The following FKBP9 variants were observed in gnomAD, a reference collection of about 807,000 sequenced individuals.
FKBP9 encodes the protein peptidyl-prolyl cis-trans isomerase FKBP9.
A neutral mutation model predicts 55.6 loss-of-function variants in FKBP9; 27 were observed. The observed-to-expected ratio is 0.49, with a 90% CI of 0.36 to 0.67. The LOEUF (loss-of-function observed/expected upper bound fraction) is 0.67. Among genes scored for constraint, FKBP9 ranks in the 30% least tolerant of loss-of-function variants. The probability of loss-of-function intolerance (pLI) is 0.00; values close to 1 mark genes in which losing one functional copy is unlikely to be tolerated. For missense variants in FKBP9, 539 were observed against 742.8 expected (o/e 0.73, Z 3.19); for synonymous variants, 267 against 296.5 (o/e 0.90, Z 1.02).
At chr7:32,957,847 C>T in intron 1 of FKBP9, 53 bp downstream of exon 1, 5 of 1,311,150 alleles carry the variant, frequency 3.8e-6, no homozygotes, top group Non-Finnish European at 5.0e-6. Context: ...GTCCCTCTCT[C>T]CGGACAGGCC....
At chr7:32,965,792 C>A (rs1784119906) in intron 1 of FKBP9, among the ~76,000 whole-genome samples, 1 of 33,550 alleles carries the variant, frequency 3.0e-5, no homozygotes. Context: ...AGCGAGACTC[C>A]ATGTCAAAAA....
At chr7:32,958,164 T>C (rs1045302841) in intron 1 of FKBP9, among the ~76,000 whole-genome samples, 3 of 152,186 alleles carry the variant, frequency 2.0e-5, no homozygotes, top group Non-Finnish European at 4.4e-5. Flanking sequence ...TGCCTGCCTC[T>C]CTTCGCCCTT....
chr7:32,994,356 T>G (rs1410357468), intron 6 of FKBP9, among the ~76,000 whole-genome samples: 1 of 152,228 alleles, frequency 6.6e-6, no homozygotes, highest in Non-Finnish European at 1.5e-5. Context: ...ATGTGGCCTT[T>G]TGTGTCTGGC....
chr7:33,005,313 A>T lies in FKBP9; in HGVS notation c.1675A>T (p.Lys559Ter). 3.1e-6 allele frequency: 5 copies of T among 1,614,254 alleles called. No homozygotes were observed. Among genetic ancestry groups the T allele is most frequent in the Non-Finnish European group, 4.2e-6 (5 of 1,180,042 alleles). Reference protein sequence around the residue: ...GDGKVTAEEFKLKDQEAKHDE... With the variant: ...GDGKVTAEEF ...TGGGAAGGTCACAGCCGAGGAATTT[A>T]AACTCAAAGACCAGGAAGCCAAACA... The change falls in exon 10 of 10, where the codon AAA becomes TAA. Residue 559 changes from lysine (K) to a stop codon, truncating the protein, a stop_gained. Coordinates refer to ENST00000242209, the MANE Select transcript of FKBP9 (RefSeq NM_007270.5). LOFTEE classifies it high-confidence loss of function.
chr7:32,991,840 A>T (rs563683197), intron 6 of FKBP9, among the ~76,000 whole-genome samples: 1 of 152,166 alleles, frequency 6.6e-6, no homozygotes, highest in East Asian at 1.9e-4. Flanking sequence ...CAACTTCCAG[A>T]TTACCTTTTG....
chr7:32,989,672 G>A (rs189391320), intron 6 of FKBP9, among the ~76,000 whole-genome samples: 93 of 152,198 alleles, frequency 6.1e-4, no homozygotes, highest in African/African-American at 2.2e-3. Flanking sequence ...TGCCCACCTT[G>A]GCTTCCCAAA....
At chr7:32,971,979 G>A (rs1452766676) in intron 1 of FKBP9, among the ~76,000 whole-genome samples, 1 of 150,532 alleles carries the variant, frequency 6.6e-6, no homozygotes, top group Non-Finnish European at 1.5e-5. Context: ...GTTAAATTTA[G>A]GAAGTATATT....
chr7:32,987,123 T>C (rs2127985341), intron 5 of FKBP9, among the ~76,000 whole-genome samples: 1 of 152,088 alleles, frequency 6.6e-6, no homozygotes, highest in South Asian at 2.1e-4. Context: ...GGGGTGATAG[T>C]GGGGGCCTTT....
intron 5 of FKBP9, among the ~76,000 whole-genome samples, chr7:32,983,020 G>GTC (rs1784511178): frequency 6.7e-6 from 1 of 149,486 alleles, no homozygotes; most frequent in African/African-American, 2.5e-5. Flanking sequence ...GTGTGTGTGT[G>GTC]TGTCTATGTG....
chr7:32,964,230 G>A (rs1784088502), intron 1 of FKBP9, among the ~76,000 whole-genome samples: 1 of 152,200 alleles, frequency 6.6e-6, no homozygotes, highest in Non-Finnish European at 1.5e-5. Flanking sequence ...ATTGGCAGCT[G>A]GCCAAGCACC....
intron 1 of FKBP9, among the ~76,000 whole-genome samples, chr7:32,964,178 G>A (rs112938996): frequency 6.8e-4 from 103 of 150,502 alleles, no homozygotes; most frequent in Middle Eastern, 3.6e-3. Flanking sequence ...CTGCTAACTA[G>A]GGGAAGATCC....
At chr7:32,996,606 T>TTTCCTTCCTTCCTTCCTTCCTTCCTTCC (rs201756956) in intron 7 of FKBP9, among the ~76,000 whole-genome samples, 56 of 110,418 alleles carry the variant, frequency 5.1e-4, no homozygotes, top group Admixed American at 5.9e-4. Flanking sequence ...AACTGCTATC[T>TTTCCTTCCTTCCTTCCTTCCTTCCTTCC]TTCCTTCCTT....
chr7:32,969,314 T>C (rs1784210269), intron 1 of FKBP9, among the ~76,000 whole-genome samples: 1 of 152,118 alleles, frequency 6.6e-6, no homozygotes, highest in Admixed American at 6.5e-5. Flanking sequence ...TCCAATGTCA[T>C]GATGCTTTTC....
intron 6 of FKBP9, among the ~76,000 whole-genome samples, chr7:32,991,502 C>T (rs188896602): frequency 1.3e-5 from 2 of 152,352 alleles, no homozygotes; most frequent in Non-Finnish European, 2.9e-5. Context: ...AAACTGTCTT[C>T]TTAGTGGCTT....
chr7:32,981,362 T>G (rs868331000), intron 5 of FKBP9, among the ~76,000 whole-genome samples: 9 of 152,344 alleles, frequency 5.9e-5, no homozygotes, highest in Middle Eastern at 6.8e-3. Flanking sequence ...GGATGCTGGG[T>G]GCCATAGAGG....
At chr7:32,973,061 G>A (rs71532547) in intron 1 of FKBP9, among the ~76,000 whole-genome samples, 55,894 of 151,958 alleles carry the variant, frequency 0.37, 10,762 homozygotes, top group South Asian at 0.5. Context: ...ATATCCCTCC[G>A]CGTCAGTGAG....
intron 5 of FKBP9, among the ~76,000 whole-genome samples, 159 bp downstream of exon 5, chr7:32,980,712 CCCTT>C (rs894803453): frequency 2.0e-5 from 3 of 151,908 alleles, no homozygotes; most frequent in Non-Finnish European, 2.9e-5. Context: ...GTTCTTTCCT[CCCTT>C]CCTTCCTTCC....
chr7:32,967,594 G>T (rs1312790640), intron 1 of FKBP9, among the ~76,000 whole-genome samples: 2 of 152,150 alleles, frequency 1.3e-5, no homozygotes, highest in Admixed American at 6.5e-5. Context: ...ATATTTCATT[G>T]TGTGTGTATA....
intron 1 of FKBP9, among the ~76,000 whole-genome samples, chr7:32,967,907 A>G (rs1784177904): frequency 6.6e-6 from 1 of 152,100 alleles, no homozygotes; most frequent in African/African-American, 2.4e-5. Context: ...GGCACCCAGC[A>G]CTATGCCCAG....
Sources: allele counts gnomAD v4.1 joint callset (sites outside exome capture counted in the v4.1 genomes callset), GRCh38; gene constraint gnomAD v4.1.1; transcripts MANE v1.5; gene names NCBI Gene and HGNC (gene_info 2026-07-23, HGNC 2026-07-21).